Variants in DDAH1 observed in about 807,000 individuals in gnomAD.
DDAH1 encodes N(G),N(G)-dimethylarginine dimethylaminohydrolase 1.
A neutral mutation model predicts 28.8 loss-of-function variants in DDAH1; 19 were observed. The ratio of observed to expected loss-of-function variants is 0.66; its 90% CI spans 0.46 to 0.97. The LOEUF (loss-of-function observed/expected upper bound fraction) is 0.97. Ranked by LOEUF, DDAH1 falls within the 50% of genes least tolerant of loss-of-function variation. The pLI is 0.00. For missense variants in DDAH1, 326 were observed against 375.9 expected (o/e 0.87, Z 1.10); for synonymous variants, 153 against 154.4 (o/e 0.99, Z 0.07).
intron 2 of DDAH1, among the ~76,000 whole-genome samples, chr1:85,357,799 G>T (rs1166425583): frequency 6.6e-6 from 1 of 152,218 alleles, no homozygotes; most frequent in Non-Finnish European, 1.5e-5. Flanking sequence ...TGGGGACCCA[G>T]ATTTTACACA....
At chr1:85,392,327 T>C (rs1210397752) in intron 1 of DDAH1, among the ~76,000 whole-genome samples, 1 of 152,192 alleles carries the variant, frequency 6.6e-6, no homozygotes, top group African/African-American at 2.4e-5. Context: ...GCCACAGTTA[T>C]ACTGAATTAG....
chr1:85,423,642 C>T (rs1322035698), intron 1 of DDAH1, among the ~76,000 whole-genome samples: 1 of 152,066 alleles, frequency 6.6e-6, no homozygotes, highest in Non-Finnish European at 1.5e-5. Flanking sequence ...AACATTGTGC[C>T]CTGAAATCTT....
At chr1:85,408,391 C>T (rs1368521341) in intron 1 of DDAH1, among the ~76,000 whole-genome samples, 3 of 151,878 alleles carry the variant, frequency 2.0e-5, no homozygotes, top group Non-Finnish European at 2.9e-5. Flanking sequence ...ATTTGAAGTA[C>T]TCCTTTTCAT....
chr1:85,497,714 A>T (rs967338302), intron 1 of DDAH1, among the ~76,000 whole-genome samples: 1 of 152,244 alleles, frequency 6.6e-6, no homozygotes, highest in Non-Finnish European at 1.5e-5. Context: ...CAAATACAAT[A>T]CTTGCAGATT....
At chr1:85,515,345 G>A (rs1201894524) in intron 1 of DDAH1, among the ~76,000 whole-genome samples, 1 of 139,138 alleles carries the variant, frequency 7.2e-6, no homozygotes, top group African/African-American at 2.7e-5. Flanking sequence ...GAGTCCCTAA[G>A]TTCCCAGTTT....
chr1:85,514,785 A>T (rs1264648999), intron 1 of DDAH1, among the ~76,000 whole-genome samples: 1 of 152,150 alleles, frequency 6.6e-6, no homozygotes, highest in African/African-American at 2.4e-5. Context: ...TCCTTGTATC[A>T]TGCCTCCATA....
intron 1 of DDAH1, among the ~76,000 whole-genome samples, chr1:85,544,372 G>T (rs1658555967): frequency 6.6e-6 from 1 of 152,148 alleles, no homozygotes; most frequent in Non-Finnish European, 1.5e-5. Context: ...TTGGGGAATA[G>T]TTAAAGGCAC....
chr1:85,557,973 A>C (rs1659028440), intron 1 of DDAH1, among the ~76,000 whole-genome samples: 1 of 152,214 alleles, frequency 6.6e-6, no homozygotes, highest in Admixed American at 6.5e-5. Context: ...CCAATCTGTG[A>C]GACTCTGTTA....
At chr1:85,531,416 T>G (rs1485594128) in intron 1 of DDAH1, among the ~76,000 whole-genome samples, 1 of 152,230 alleles carries the variant, frequency 6.6e-6, no homozygotes, top group Non-Finnish European at 1.5e-5. Context: ...ATTCAGTTTG[T>G]GCATATTTCA....
At chr1:85,492,446 G>A (rs895063274) in intron 2 of DDAH1, among the ~76,000 whole-genome samples, 1 of 152,198 alleles carries the variant, frequency 6.6e-6, no homozygotes, top group Non-Finnish European at 1.5e-5. Context: ...AAGAGGGAAA[G>A]TGCAGCCAAG....
intron 1 of DDAH1, among the ~76,000 whole-genome samples, chr1:85,523,949 T>A (rs1408941630): frequency 1.3e-5 from 2 of 152,020 alleles, no homozygotes; most frequent in South Asian, 4.2e-4. Flanking sequence ...TTTGCCTATA[T>A]CCATTCATTG....
upstream of DDAH1, among the ~76,000 whole-genome samples, chr1:85,469,945 G>T (rs2100701821): frequency 1.3e-5 from 2 of 152,210 alleles, no homozygotes; most frequent in South Asian, 4.2e-4. Context: ...GTTCTGGTTG[G>T]ATGTTGATTA....
chr1:85,487,980 T>C (rs1355079881), intron 2 of DDAH1, among the ~76,000 whole-genome samples: 5 of 152,046 alleles, frequency 3.3e-5, no homozygotes, highest in Admixed American at 2.6e-4. Context: ...GGTCAGGAGT[T>C]CGAGACCAGC....
intron 1 of DDAH1, among the ~76,000 whole-genome samples, chr1:85,566,803 T>C (rs1337580849): frequency 6.6e-6 from 1 of 152,112 alleles, no homozygotes; most frequent in Non-Finnish European, 1.5e-5. Flanking sequence ...TGTGTGTACG[T>C]GTGTGTATGT....
At chr1:85,351,430 T>A (rs962988909) in intron 3 of DDAH1, 76 bp downstream of exon 3, 3 of 1,158,752 alleles carry the variant, frequency 2.6e-6, no homozygotes, top group Middle Eastern at 1.9e-4. Context: ...CCATTACTCA[T>A]GACATTGATT....
chr1:85,340,188 C>G (rs1463204695), intron 4 of DDAH1, among the ~76,000 whole-genome samples: 1 of 152,116 alleles, frequency 6.6e-6, no homozygotes, highest in African/African-American at 2.4e-5. Flanking sequence ...GGAAGCCAAC[C>G]CCGTTAGTGT....
chr1:85,507,812 T>C (rs1371959535), intron 1 of DDAH1, among the ~76,000 whole-genome samples: 1 of 152,286 alleles, frequency 6.6e-6, no homozygotes. Flanking sequence ...AAAATGACTT[T>C]TGGAGGAATA....
intron 4 of DDAH1, among the ~76,000 whole-genome samples, chr1:85,338,596 C>T (rs532372999): frequency 1.3e-5 from 2 of 152,268 alleles, no homozygotes; most frequent in African/African-American, 4.8e-5. Flanking sequence ...GTATGGATTA[C>T]CTGCATCAGA....
At chr1:85,553,624 G>T (rs17127878) in intron 1 of DDAH1, among the ~76,000 whole-genome samples, 29,454 of 152,176 alleles carry the variant, frequency 0.19, 3,254 homozygotes, top group African/African-American at 0.3. Context: ...CACTGCACTT[G>T]GCAGAAGCAC....
Sources: allele counts gnomAD v4.1 joint callset (sites outside exome capture counted in the v4.1 genomes callset), GRCh38; gene constraint gnomAD v4.1.1; transcripts MANE v1.5; gene names NCBI Gene and HGNC (gene_info 2026-07-23, HGNC 2026-07-21).